The following ZSWIM8 variants were observed in gnomAD, a reference collection of about 807,000 sequenced individuals.
ZSWIM8 encodes zinc finger SWIM domain-containing protein 8.
ZSWIM8 carries 27 observed loss-of-function variants against 173.7 expected under a neutral mutation model. The ratio of observed to expected loss-of-function variants is 0.16; its 90% CI spans 0.11 to 0.21. ZSWIM8 has a LOEUF of 0.21. Ranked by LOEUF, ZSWIM8 falls within the 10% of genes least tolerant of loss-of-function variation. The probability of loss-of-function intolerance (pLI) is 1.00; values close to 1 mark genes in which losing one functional copy is unlikely to be tolerated. For synonymous variants in ZSWIM8, 958 were observed against 962.0 expected, an observed-to-expected ratio of 1.00 and a Z score of 0.08; for missense variants, 1,627 against 2,428.8, an observed-to-expected ratio of 0.67 and a Z score of 6.94.
At chr10:73,799,683 C>T in intron 21 of ZSWIM8, 193 bp downstream of exon 21, 1 of 799,738 alleles carries the variant, frequency 1.3e-6, no homozygotes, top group Middle Eastern at 3.6e-4. Flanking sequence ...GTAATCCCAG[C>T]ACTTTGAGAG....
At chr10:73,790,115 G>A in intron 6 of ZSWIM8, 57 bp from the exon 7 acceptor site, 2 of 1,611,260 alleles carry the variant, frequency 1.2e-6, no homozygotes, top group Non-Finnish European at 1.7e-6. Flanking sequence ...AAGGCTTGCT[G>A]TTGTCAGGCA....
chr10:73,785,908 C>T lies in ZSWIM8; in HGVS notation c.30C>T (p.Asp10=), dbSNP rs1249738079. 12 of 1,549,240 alleles carry T rather than the reference C, an allele frequency of 7.7e-6. No individual in the cohort carries two copies. Among genetic ancestry groups the T allele is most frequent in the Non-Finnish European group, 1.0e-5 (12 of 1,146,028 alleles). MELMFAEWE[D]GERFSFEDSD... is the part of the protein sequence containing the mutation. ...AGCTGATGTTTGCAGAGTGGGAGGA[C>T]GGAGAGCGCTTCTCATTCGAGGATT... Residue 10 remains aspartate, a synonymous_variant, in exon 1 of 26, where the codon GAC becomes GAT. Coordinates refer to ENST00000604729, the MANE Select transcript of ZSWIM8 (RefSeq NM_001367799.1).
chr10:73,793,761 C>T (rs757058720), intron 11 of ZSWIM8, 42 bp downstream of exon 11: 25 of 1,569,004 alleles, frequency 1.6e-5, no homozygotes, highest in Non-Finnish European at 2.2e-5. Context: ...CCCCACTTAC[C>T]CCCAACCTGC....
Position 73,792,215 on chromosome 10 carries a change from C to T in ZSWIM8, c.1676C>T (p.Ser559Leu). The change falls in exon 10 of 26, where the codon TCA (serine) becomes TTA (leucine). Residue 559 changes from serine (S) to leucine (L), a missense_variant. Coordinates refer to ENST00000604729, the MANE Select transcript of ZSWIM8 (RefSeq NM_001367799.1). The surrounding 1 kb of genome is among the most constrained non-coding windows in gnomAD (Gnocchi z 4.3). ...GGCTTGGGTGAGGGGGTCCCCTCAT[C>T]ACAGCGGGGTCCCCGCCGCCTCTCA... ...RKGLGEGVPS[S>L]QRGPRRLSAE... 3 of 1,546,952 alleles carry T rather than the reference C, an allele frequency of 1.9e-6. No homozygotes were observed. The highest frequency in any genetic ancestry group is 1.7e-4 in the Middle Eastern group (1 of 5,720).
At position 73,790,163 on chromosome 10, in the gene ZSWIM8, C is replaced by A; in HGVS notation, c.821-9C>A. The A allele has an allele frequency of 6.2e-7, 1 of 1,611,156 alleles. No homozygotes were observed. Among genetic ancestry groups the A allele is most frequent in the Non-Finnish European group, 8.5e-7 (1 of 1,178,278 alleles). On this transcript the variant is annotated splice_polypyrimidine_tract_variant and intron_variant, in intron 6 of 25. Coordinates refer to ENST00000604729, the MANE Select transcript of ZSWIM8 (RefSeq NM_001367799.1). ...TATCTCTAGATGACTGACTGCCTGT[C>A]ATCCTCAGACCCCACAGCAGGGCCC...
At chr10:73,790,130 C>G in intron 6 of ZSWIM8, 42 bp from the exon 7 acceptor site, 1 of 1,610,912 alleles carries the variant, frequency 6.2e-7, no homozygotes. Flanking sequence ...CAGGCAAATC[C>G]AGGCCCCTAT....
chr10:73,789,801 C>A lies in ZSWIM8; in HGVS notation c.715C>A (p.Leu239Ile). The change falls in exon 5 of 26, where the codon CTC (leucine) becomes ATC (isoleucine). Residue 239 changes from leucine to isoleucine, a missense_variant. Coordinates refer to ENST00000604729, the MANE Select transcript of ZSWIM8 (RefSeq NM_001367799.1). This position sits in a 1 kb window ranked among gnomAD's most constrained non-coding sequence, Gnocchi z 6.8. ...RDQLQKFAQY[L>I]ISELPQQILP... ...CCAGCTGCAAAAGTTTGCTCAGTAC[C>A]TCATCAGTGAGCTCCCTCAGCAGGT... is the stretch of plus-strand genomic sequence containing the variant. 1 of 1,609,084 alleles carries A rather than the reference C, an allele frequency of 6.2e-7. No individual in the cohort carries two copies. Among genetic ancestry groups the A allele is most frequent in the Non-Finnish European group, 8.5e-7 (1 of 1,177,802 alleles).
chr10:73,798,151 T>G (rs1016855315), intron 19 of ZSWIM8, 79 bp from the exon 20 acceptor site: 1 of 1,593,546 alleles, frequency 6.3e-7, no homozygotes. Context: ...GGGTTACTGA[T>G]CTGATAAAAA....
Position 73,800,621 on chromosome 10 carries a change from A to C in ZSWIM8, c.5003-19A>C. The C allele has an allele frequency of 6.3e-7, 1 of 1,577,534 alleles. No individual in the cohort carries two copies. The highest frequency in any genetic ancestry group is 2.3e-5 in the East Asian group (1 of 44,318). On this transcript the variant is annotated intron_variant, in intron 23 of 25. Transcript: ENST00000604729. This position sits in a 1 kb window ranked among gnomAD's most constrained non-coding sequence, Gnocchi z 4.1. ...AGAGGATACACCGTACCATGTGCCC[A>C]CCCTTATCTATCTCCCAGGAATGCT... is the stretch of plus-strand genomic sequence containing the variant.
At chr10:73,793,837 C>CTG (rs754456705) in intron 11 of ZSWIM8, 28 bp from the exon 12 acceptor site, 4 of 1,589,418 alleles carry the variant, frequency 2.5e-6, no homozygotes, top group Non-Finnish European at 8.5e-7. Flanking sequence ...AATCATCTGC[C>CTG]TGTCTCCTGT....
chr10:73,789,318 G>T lies in ZSWIM8; in HGVS notation c.458-49G>T. ...CTGCAGGGCCAGGGTCAAGGGCAGA[G>T]ACCCAGGTCCTGACAGCACTCCCTG... On this transcript the variant is annotated intron_variant, in intron 3 of 25. Coordinates refer to ENST00000604729, the MANE Select transcript of ZSWIM8 (RefSeq NM_001367799.1). The surrounding 1 kb of genome is among the most constrained non-coding windows in gnomAD (Gnocchi z 6.8). 1 of 1,565,454 alleles carries T rather than the reference G, an allele frequency of 6.4e-7. No individual in the cohort carries two copies. The highest frequency in any genetic ancestry group is 1.8e-5 in the Admixed American group (1 of 54,554).
rs2132844980 is a variant in ZSWIM8, at chr10:73,801,599, G to T, written c.*80G>T. 1 of 1,558,854 alleles carries T rather than the reference G, an allele frequency of 6.4e-7. No homozygotes were observed. The highest frequency in any genetic ancestry group is 1.4e-5 in the African/African-American group (1 of 73,714). ...CCTCACACAGGGGGAGTGAAACTTG[G>T]CTGGACAGATCATCCTCACTCAGTT... On this transcript the variant is annotated 3_prime_UTR_variant, in exon 26 of 26. Transcript: ENST00000604729. The surrounding 1 kb of genome is among the most constrained non-coding windows in gnomAD (Gnocchi z 4.9).
Position 73,792,200 on chromosome 10 carries a change from A to AG in ZSWIM8, c.1666dup (p.Val556GlyfsTer14). The AG allele has an allele frequency of 6.5e-7, 1 of 1,536,814 alleles. No individual in the cohort carries two copies. The highest frequency in any genetic ancestry group is 8.7e-7 in the Non-Finnish European group (1 of 1,142,886). On this transcript the variant is annotated frameshift_variant, in exon 10 of 26. Coordinates refer to ENST00000604729, the MANE Select transcript of ZSWIM8 (RefSeq NM_001367799.1). LOFTEE classifies it high-confidence loss of function. This position sits in a 1 kb window ranked among gnomAD's most constrained non-coding sequence, Gnocchi z 4.3. ...GGGACCAAGCGAAAGGGCTTGGGTG[A>AG]GGGGGTCCCCTCATCACAGCGGGGT...
At position 73,799,263 on chromosome 10, in the gene ZSWIM8, G is replaced by C; in HGVS notation, c.4438G>C (p.Val1480Leu). The change falls in exon 21 of 26, where the codon GTG becomes CTG. Residue 1480 changes from valine (V) to leucine (L), a missense_variant. Val to Leu is a conservative substitution (Grantham distance 32, BLOSUM62 1). Around this residue, in one of 18 missense-constraint regions of ZSWIM8, gnomAD observed 275 missense variants for 290.1 expected, o/e 0.95. Transcript: ENST00000604729. Reference sequence around the variant, plus strand: ...GCCGGTTACAGTGGCAGCGGCAGCAGTGACAGCAGCAGCCACAGTGGTGCC... The same window carrying C: ...GCCGGTTACAGTGGCAGCGGCAGCACTGACAGCAGCAGCCACAGTGGTGCC... ...TEPVTVAAAAVTAAATVVPVI... is the reference protein window; with the variant it reads ...TEPVTVAAAALTAAATVVPVI... 2 of 1,599,000 alleles carry C rather than the reference G, an allele frequency of 1.3e-6. No individual in the cohort carries two copies.
chr10:73,794,436 G>C, intron 13 of ZSWIM8, 105 bp from the exon 14 acceptor site: 1 of 1,554,874 alleles, frequency 6.4e-7, no homozygotes, highest in Non-Finnish European at 8.8e-7. Context: ...GACCCATCAG[G>C]CAGCTTCATG....
chr10:73,791,624 G>A lies in ZSWIM8; in HGVS notation c.1319+125G>A, dbSNP rs2083415908. On this transcript the variant is annotated intron_variant, in intron 9 of 25. Transcript: ENST00000604729. The surrounding 1 kb of genome is among the most constrained non-coding windows in gnomAD (Gnocchi z 6.0). ...GTCCTCGGGAAACGGGAGGTGCTGA[G>A]CACTGGTGTTAGCAGTGATTTACGA... 1 of 1,212,056 alleles carries A rather than the reference G, an allele frequency of 8.3e-7. No homozygotes were observed. Among genetic ancestry groups the A allele is most frequent in the Non-Finnish European group, 1.1e-6 (1 of 894,218 alleles). The allele number at this position is 1,212,056 out of a possible 1,614,324, so 75.1% of individuals were successfully genotyped here.
Position 73,792,268 on chromosome 10 carries a change from A to G in ZSWIM8, c.1729A>G (p.Lys577Glu), listed in dbSNP as rs750208952. Residue 577 changes from lysine (K) to glutamate (E), a missense_variant, in exon 10 of 26, where the codon AAG (lysine) becomes GAG (glutamate). Lys to Glu is a moderately conservative substitution (Grantham distance 56, BLOSUM62 1). Around this residue, in one of 18 missense-constraint regions of ZSWIM8, gnomAD observed 383 missense variants for 394.8 expected, o/e 0.97. Transcript: ENST00000604729. The surrounding 1 kb of genome is among the most constrained non-coding windows in gnomAD (Gnocchi z 4.3). ...SAEGGDKALH[K>E]MGPGGGKAKA... ...TGAAGGGGGAGATAAAGCTCTACAT[A>G]AGATGGGTCCAGGTGGGGGCAAAGC... The G allele has an allele frequency of 3.8e-6, 6 of 1,598,754 alleles. No individual in the cohort carries two copies. Among genetic ancestry groups the G allele is most frequent in the African/African-American group, 1.3e-5 (1 of 74,488 alleles).
chr10:73,790,416 G>A, intron 7 of ZSWIM8, 124 bp downstream of exon 7: 1 of 1,382,472 alleles, frequency 7.2e-7, no homozygotes, highest in Non-Finnish European at 9.8e-7. Context: ...CTGGCACAGT[G>A]CCTGGCACAC....
chr10:73,796,012 A>G (rs189782706), intron 15 of ZSWIM8, among the ~76,000 whole-genome samples: 42 of 149,322 alleles, frequency 2.8e-4, no homozygotes, highest in Middle Eastern at 3.5e-3. Context: ...TTTGACAGGC[A>G]GAGAAAGAGA....
Sources: allele counts gnomAD v4.1 joint callset (sites outside exome capture counted in the v4.1 genomes callset), GRCh38; gene constraint gnomAD v4.1.1; regional missense constraint gnomAD v4.1.1; non-coding constraint Gnocchi (gnomAD v3.1); transcripts MANE v1.5; gene names NCBI Gene and HGNC (gene_info 2026-07-23, HGNC 2026-07-21).